The following PSPC1 variants were observed in gnomAD, a reference collection of about 807,000 sequenced individuals.
PSPC1 encodes the protein paraspeckle component 1.
In PSPC1, 14 loss-of-function variants were observed where a neutral mutation model predicts 51.6. That is an observed-to-expected ratio of 0.27 (90% CI 0.18 to 0.42). The LOEUF is 0.42. Ranked by LOEUF, PSPC1 falls within the 10% of genes least tolerant of loss-of-function variation. The pLI, the probability that PSPC1 is intolerant of heterozygous loss-of-function variation, is 1.00. For missense variants in PSPC1, 406 were observed against 701.1 expected (o/e 0.58, Z 4.75); for synonymous variants, 193 against 231.9 (o/e 0.83, Z 1.53).
chr13:19,743,465 G>T (rs1299747203), intron 4 of PSPC1, among the ~76,000 whole-genome samples: 1 of 122,806 alleles, frequency 8.1e-6, no homozygotes, highest in Non-Finnish European at 1.8e-5. Flanking sequence ...ATTAAAAACA[G>T]ACATTTATAA....
At chr13:19,712,531 G>T (rs1040866740) in intron 6 of PSPC1, among the ~76,000 whole-genome samples, 74 of 151,780 alleles carry the variant, frequency 4.9e-4, no homozygotes, top group African/African-American at 1.7e-3. Context: ...AAATTTCACG[G>T]GAAATGTATC....
intron 6 of PSPC1, among the ~76,000 whole-genome samples, chr13:19,692,076 G>A (rs1246774795): frequency 1.3e-5 from 2 of 152,134 alleles, no homozygotes; most frequent in African/African-American, 4.8e-5. Flanking sequence ...ATTCAGATGG[G>A]AAACTACTGT....
chr13:19,773,596 CTTTT>C (rs570113073), intron 1 of PSPC1, among the ~76,000 whole-genome samples: 190 of 152,088 alleles, frequency 1.2e-3, no homozygotes, highest in Admixed American at 2.4e-3. Flanking sequence ...ATCACCTTTT[CTTTT>C]TATTTTCATT....
At chr13:19,750,728 C>T (rs565402142) in intron 4 of PSPC1, among the ~76,000 whole-genome samples, 7 of 152,096 alleles carry the variant, frequency 4.6e-5, no homozygotes, top group Middle Eastern at 3.4e-3. Context: ...ATTTAATACC[C>T]GCAAATTACC....
intron 4 of PSPC1, among the ~76,000 whole-genome samples, chr13:19,746,277 C>A (rs1460388053): frequency 6.6e-6 from 1 of 151,882 alleles, no homozygotes; most frequent in East Asian, 1.9e-4. Context: ...TGGCATGCAC[C>A]TGTAATCCAG....
At chr13:19,676,550 G>C (rs1876658215) in intron 7 of PSPC1, among the ~76,000 whole-genome samples, 1 of 152,012 alleles carries the variant, frequency 6.6e-6, no homozygotes, top group Non-Finnish European at 1.5e-5. Context: ...ACAAATCCTA[G>C]AAAGAAACGT....
At chr13:19,678,263 C>T (rs1334526808) in intron 6 of PSPC1, 2 of 159,306 alleles carry the variant, frequency 1.3e-5, no homozygotes, top group Non-Finnish European at 2.7e-5. Flanking sequence ...AAACCGTATT[C>T]CACTTGTACC....
chr13:19,728,295 G>A lies in PSPC1; in HGVS notation c.1158+1944C>T, dbSNP rs185626794. Among the ~76,000 whole-genome samples the A allele has an allele frequency of 2.6e-5, 4 of 152,256 alleles. No individual in the cohort carries two copies. The East Asian group carries it at 5.8e-4, about 22-fold the overall frequency. On this transcript the variant is annotated intron_variant, in intron 6 of 8. Transcript: ENST00000338910. ...TATTTCTATTAGGAAGGCAAGAAGA[G>A]AGAGGTGGCATCTTAAAATTAACAA...
At chr13:19,747,075 T>C (rs567752622) in intron 4 of PSPC1, among the ~76,000 whole-genome samples, 5 of 150,500 alleles carry the variant, frequency 3.3e-5, no homozygotes, top group Non-Finnish European at 7.4e-5. Flanking sequence ...GCCATTTCAC[T>C]CCAGCCTGGG....
chr13:19,683,005 C>T (rs1330153675), intron 6 of PSPC1, among the ~76,000 whole-genome samples: 1 of 151,988 alleles, frequency 6.6e-6, no homozygotes. Context: ...AAGCTCAAGG[C>T]TGCAGTGAGC....
chr13:19,693,986 G>A (rs892296374), intron 6 of PSPC1, among the ~76,000 whole-genome samples: 11 of 151,742 alleles, frequency 7.2e-5, no homozygotes, highest in Non-Finnish European at 1.3e-4. Context: ...AGCCGGGTGT[G>A]GTGGCGGGCG....
chr13:19,673,054 C>CA (rs752838814), downstream of PSPC1: 15,867 of 380,786 alleles, frequency 0.042, 141 homozygotes, highest in African/African-American at 0.1. Context: ...GACCTTGTCT[C>CA]AAAAAAAAAA....
intron 6 of PSPC1, among the ~76,000 whole-genome samples, chr13:19,695,641 A>G (rs969052995): frequency 6.6e-6 from 1 of 152,168 alleles, no homozygotes; most frequent in African/African-American, 2.4e-5. Flanking sequence ...GGAGGGAACC[A>G]CATTCCAATC....
At chr13:19,734,405 G>A (rs181796592) in intron 5 of PSPC1, among the ~76,000 whole-genome samples, 1 of 152,290 alleles carries the variant, frequency 6.6e-6, no homozygotes, top group Non-Finnish European at 1.5e-5. Flanking sequence ...ACGCCTACTG[G>A]ATGAAACCTC....
chr13:19,722,567 G>A (rs988266862), intron 6 of PSPC1, among the ~76,000 whole-genome samples: 38 of 152,316 alleles, frequency 2.5e-4, no homozygotes, highest in African/African-American at 9.1e-4. Flanking sequence ...GCTGAGGTAG[G>A]TGGATCACCT....
intron 5 of PSPC1, chr13:19,736,842 T>A (rs1347136522): frequency 6.6e-6 from 1 of 152,170 alleles, no homozygotes; most frequent in Non-Finnish European, 1.5e-5. Context: ...AAACCAGGAA[T>A]GAATACTGGC....
chr13:19,673,086 CGG>C (rs1565946981), downstream of PSPC1: 4 of 432,124 alleles, frequency 9.3e-6, no homozygotes, highest in Middle Eastern at 3.4e-4. Context: ...GGAACCTATA[CGG>C]TTTTTTTTTG....
rs9508852 is a variant in PSPC1 at position 19,703,153 on chromosome 13, A to C, written c.*22T>G. Reference sequence around the variant, plus strand: ...ATACCACTGACTTTTTTTTTTCTAGATAGCCAGGAATGAACGAATGTTTAA... The same window carrying C: ...ATACCACTGACTTTTTTTTTTCTAGCTAGCCAGGAATGAACGAATGTTTAA... On this transcript the variant is annotated 3_prime_UTR_variant, in exon 9 of 9. Transcript: ENST00000338910. The C allele has an allele frequency of 7.5e-7, 1 of 1,332,470 alleles. No individual in the cohort carries two copies. The highest frequency in any genetic ancestry group is 1.0e-6 in the Non-Finnish European group (1 of 1,001,294). 82.5% of individuals were successfully genotyped at this position (1,332,470 alleles called of 1,614,324 possible). A position where few individuals can be genotyped will look rare whatever the true frequency, so the allele number is the denominator to read the frequency against.
downstream of PSPC1, chr13:19,673,088 G>C: frequency 3.4e-6 from 1 of 292,966 alleles, no homozygotes; most frequent in Non-Finnish European, 6.8e-6. Flanking sequence ...AACCTATACG[G>C]TTTTTTTTTG....
Sources: allele counts gnomAD v4.1 joint callset (sites outside exome capture counted in the v4.1 genomes callset), GRCh38; gene constraint gnomAD v4.1.1; transcripts MANE v1.5; gene names NCBI Gene and HGNC (gene_info 2026-07-23, HGNC 2026-07-21).